Variants in MAPK9 observed in about 807,000 individuals in gnomAD.
MAPK9 encodes Jun kinase.
Under a neutral mutation model 57.1 loss-of-function variants are expected in MAPK9, and 30 were observed. That is an observed-to-expected ratio of 0.53 (90% CI 0.39 to 0.71). The LOEUF (loss-of-function observed/expected upper bound fraction) is 0.71, where lower values mean the gene tolerates loss of function less well. MAPK9 is among the 30% of genes least tolerant of loss of function. The pLI is 0.00. For synonymous variants in MAPK9, 155 were observed against 177.0 expected, an observed-to-expected ratio of 0.88 and a Z score of 0.99; for missense variants, 362 against 521.0, an observed-to-expected ratio of 0.69 and a Z score of 2.97.
Position 180,247,190 on chromosome 5 carries a change from A to G in MAPK9, c.688+249T>C. 1 of 535,342 alleles carries G rather than the reference A, an allele frequency of 1.9e-6. No individual in the cohort carries two copies. Among genetic ancestry groups the G allele is most frequent in the Non-Finnish European group, 3.3e-6 (1 of 304,970 alleles). 33.2% of individuals were successfully genotyped at this position (535,342 alleles called of 1,614,324 possible). ...TCCAGCTATTTTTGGCAAAATTAAGAGCTAATATAATCGGTTTAACTGAAC... is the reference window on the plus strand; with the variant it reads ...TCCAGCTATTTTTGGCAAAATTAAGGGCTAATATAATCGGTTTAACTGAAC... On this transcript the variant is annotated intron_variant, in intron 7 of 11. Coordinates refer to ENST00000452135, the MANE Select transcript of MAPK9 (RefSeq NM_002752.5). This position sits in a 1 kb window ranked among gnomAD's most constrained non-coding sequence, Gnocchi z 4.5.
At chr5:180,240,716 C>T (rs530427615) in intron 9 of MAPK9, among the ~76,000 whole-genome samples, 1 of 152,284 alleles carries the variant, frequency 6.6e-6, no homozygotes, top group Admixed American at 6.5e-5. Context: ...GGTTAAGTGG[C>T]CTAAACAAGA....
chr5:180,290,376 C>G (rs562581997), intron 1 of MAPK9, among the ~76,000 whole-genome samples: 1 of 152,310 alleles, frequency 6.6e-6, no homozygotes, highest in African/African-American at 2.4e-5. Context: ...GTCACCTCCT[C>G]CACATTTCCA....
chr5:180,236,697 C>G, intron 11 of MAPK9, 171 bp from the exon 12 acceptor site: 1 of 563,598 alleles, frequency 1.8e-6, no homozygotes, highest in South Asian at 3.5e-5. Flanking sequence ...TTCCTTGAGT[C>G]TTTCTTTGGG....
chr5:180,290,005 G>A (rs896104774), intron 1 of MAPK9, among the ~76,000 whole-genome samples: 96 of 149,442 alleles, frequency 6.4e-4, no homozygotes, highest in African/African-American at 2.3e-3. Flanking sequence ...ACAGGTGGAT[G>A]CCACCACACC....
intron 1 of MAPK9, among the ~76,000 whole-genome samples, chr5:180,286,822 C>T (rs3111517): frequency 0.28 from 42,401 of 152,136 alleles, 6,422 homozygotes; most frequent in East Asian, 0.41. Flanking sequence ...AATCACTCCA[C>T]GTGAGAATAT....
At chr5:180,238,448 A>G (rs373660907) in intron 10 of MAPK9, 45 bp from the exon 11 acceptor site, 2 of 1,325,164 alleles carry the variant, frequency 1.5e-6, no homozygotes, top group African/African-American at 2.9e-5. Flanking sequence ...GTTTCTAAAC[A>G]GTTTCACTGT....
chr5:180,241,138 G>A lies in MAPK9; in HGVS notation c.889C>T (p.Leu297=), dbSNP rs749684135. Residue 297 remains leucine, a synonymous_variant, in exon 9 of 12, where the codon CTG becomes TTG. Transcript: ENST00000452135. ...DKIKTSQARD[L]LSKMLVIDPD... Reference sequence around the variant, plus strand: ...TCAATCACTAACATTTTTGATAACAGATCTCTGGCTTGACTTGCTAGGGTG... The same window carrying A: ...TCAATCACTAACATTTTTGATAACAAATCTCTGGCTTGACTTGCTAGGGTG... The A allele has an allele frequency of 1.9e-6, 3 of 1,613,232 alleles. No homozygotes were observed. The highest frequency in any genetic ancestry group is 2.5e-6 in the Non-Finnish European group (3 of 1,179,742).
At position 180,247,714 on chromosome 5, in the gene MAPK9, TC is replaced by T; in HGVS notation, c.617-205del. ...AATCTGGGGTTTTAGTGCCAAAGAG[TC>T]CAATACTTTATAGCTTAAAACAAAC... is the stretch of plus-strand genomic sequence containing the variant. On this transcript the variant is annotated intron_variant, in intron 6 of 11. Transcript: ENST00000452135. This position sits in a 1 kb window ranked among gnomAD's most constrained non-coding sequence, Gnocchi z 4.5. 9.9e-7 allele frequency: 1 copy of T among 1,011,504 alleles called. No individual in the cohort carries two copies. The highest frequency in any genetic ancestry group is 1.4e-5 in the South Asian group (1 of 73,774). The allele number at this position is 1,011,504 out of a possible 1,614,324, so 62.7% of individuals were successfully genotyped here. A position where few individuals can be genotyped will look rare whatever the true frequency, so the allele number is the denominator to read the frequency against.
At chr5:180,260,381 C>T (rs1759807191) in intron 5 of MAPK9, among the ~76,000 whole-genome samples, 1 of 152,060 alleles carries the variant, frequency 6.6e-6, no homozygotes, top group African/African-American at 2.4e-5. Context: ...TCTGAGAACT[C>T]CCACTGAGAA....
At position 180,244,265 on chromosome 5, in the gene MAPK9, A is replaced by G. The variant is rs748522889; in HGVS notation, c.689-1510T>C. Among the ~76,000 whole-genome samples the G allele has an allele frequency of 6.8e-4, 104 of 152,214 alleles. 2 individuals are homozygous for G. The highest frequency in any genetic ancestry group is 1.5e-4 in the Non-Finnish European group (10 of 67,998). ...AGCAACCATCTGGGCTCCCGGCTAC[A>G]CTAAGCCTGCTCAGCTCTAGACCCT... On this transcript the variant is annotated intron_variant, in intron 7 of 11. Transcript: ENST00000452135.
At chr5:180,286,366 G>C (rs185169554) in intron 1 of MAPK9, among the ~76,000 whole-genome samples, 12 of 150,660 alleles carry the variant, frequency 8.0e-5, no homozygotes, top group Non-Finnish European at 1.5e-4. Flanking sequence ...GGATGGTCTC[G>C]ATCTCCTGAC....
intron 3 of MAPK9, 145 bp downstream of exon 3, chr5:180,269,135 A>C (rs1761007291): frequency 2.2e-6 from 2 of 891,906 alleles, no homozygotes; most frequent in Non-Finnish European, 3.3e-6. Context: ...AAACAAAAAA[A>C]CAAAAAACAA....
chr5:180,238,485 C>A lies in MAPK9; in HGVS notation c.1061-82G>T. The A allele has an allele frequency of 2.9e-6, 3 of 1,037,490 alleles. No individual in the cohort carries two copies. The South Asian group carries it at 4.0e-5, about 14-fold the overall frequency. 64.3% of individuals were successfully genotyped at this position (1,037,490 alleles called of 1,614,324 possible). A position where few individuals can be genotyped will look rare whatever the true frequency, so the allele number is the denominator to read the frequency against. On this transcript the variant is annotated intron_variant, in intron 10 of 11. Coordinates refer to ENST00000452135, the MANE Select transcript of MAPK9 (RefSeq NM_002752.5). Reference sequence around the variant, plus strand: ...TCTCTAAACTCTGCTTCCAAATCAACTGGAACAAAGGCATTGCGATTTGTT... The same window carrying A: ...TCTCTAAACTCTGCTTCCAAATCAAATGGAACAAAGGCATTGCGATTTGTT...
chr5:180,280,654 T>A (rs774117711), intron 1 of MAPK9, 46 bp from the exon 2 acceptor site: 5 of 1,475,220 alleles, frequency 3.4e-6, no homozygotes, highest in Non-Finnish European at 4.6e-6. Flanking sequence ...CGGAAGTACA[T>A]ACGCAGCTCA....
chr5:180,264,953 TTC>T, intron 3 of MAPK9, 114 bp from the exon 4 acceptor site: 1 of 412,060 alleles, frequency 2.4e-6, no homozygotes, highest in Non-Finnish European at 3.4e-6. Context: ...AATTCAGTAC[TTC>T]TTATTATTAC....
rs1024078796 is a variant in MAPK9, at chr5:180,248,921, G to A, written c.616+52C>T. 4.0e-5 allele frequency: 62 copies of A among 1,538,958 alleles called. 1 individual carries two copies. The Middle Eastern group carries it at 1.3e-3, about 33-fold the overall frequency. ...GAAAGAGAAAAAACTCGAGACCACC[G>A]CTAGAGCAATTTCTAAACATCCCAG... On this transcript the variant is annotated intron_variant, in intron 6 of 11. Coordinates refer to ENST00000452135, the MANE Select transcript of MAPK9 (RefSeq NM_002752.5).
intron 1 of MAPK9, among the ~76,000 whole-genome samples, chr5:180,290,065 C>A (rs1763098267): frequency 6.6e-6 from 1 of 152,204 alleles, no homozygotes. Flanking sequence ...CTACGTTGCC[C>A]AGGCTGGTCT....
chr5:180,233,612 G>A lies in MAPK9; in HGVS notation c.*2772C>T, dbSNP rs1488848769. On this transcript the variant is annotated 3_prime_UTR_variant, in exon 12 of 12. Transcript: ENST00000452135. ...CTATACATTTATCTTTTAAAATGTA[G>A]TCTGTATTATTTTCACCAACCAAAA... 6.6e-6 allele frequency: 1 copy of A among 152,154 alleles called. No homozygotes were observed. Among genetic ancestry groups the A allele is most frequent in the African/African-American group, 2.4e-5 (1 of 41,436 alleles). 9.4% of individuals were successfully genotyped at this position (152,154 alleles called of 1,614,324 possible).
chr5:180,270,842 C>T (rs1473021527), intron 2 of MAPK9, among the ~76,000 whole-genome samples: 1 of 131,122 alleles, frequency 7.6e-6, no homozygotes, highest in East Asian at 2.1e-4. Flanking sequence ...GACTGAGACC[C>T]TGTTGCCCAG....
Sources: allele counts gnomAD v4.1 joint callset (sites outside exome capture counted in the v4.1 genomes callset), GRCh38; gene constraint gnomAD v4.1.1; non-coding constraint Gnocchi (gnomAD v3.1); transcripts MANE v1.5; gene names NCBI Gene and HGNC (gene_info 2026-07-23, HGNC 2026-07-21).